The following NSMCE2 variants were observed in gnomAD, a reference collection of about 807,000 sequenced individuals.
NSMCE2 encodes the protein E3 SUMO-protein ligase NSE2.
Under a neutral mutation model 23.8 loss-of-function variants are expected in NSMCE2, and 24 were observed. That is an observed-to-expected ratio of 1.01 (90% CI 0.73 to 1.42). The LOEUF is 1.42. Among genes scored for constraint, NSMCE2 ranks in the 40% most tolerant of loss-of-function variants. NSMCE2 has a pLI of 0.00. For synonymous variants in NSMCE2, 92 were observed against 94.1 expected (o/e 0.98, Z 0.13); for missense variants, 284 against 296.5 (o/e 0.96, Z 0.31).
At chr8:125,363,335 T>C (rs1046072098) in intron 7 of NSMCE2, 16 of 152,092 alleles carry the variant, frequency 1.1e-4, no homozygotes, top group Admixed American at 9.2e-4. Context: ...AAACTCTGTC[T>C]CTACCAAAAA....
rs771186361 is a variant in NSMCE2 at position 125,130,277 on chromosome 8, A to G, written c.158-20894A>G. 1.5e-5 allele frequency: 7 copies of G among 456,094 alleles called. No homozygotes were observed. In the East Asian group the frequency reaches 2.8e-4, roughly 18 times the overall value. The allele number at this position is 456,094 out of a possible 1,614,324, so 28.3% of individuals were successfully genotyped here. ...CATCACGTCATATCAAAGCTAGTGC[A>G]AGTCATCAACATGACCAGTAATGTC... On this transcript the variant is annotated intron_variant, in intron 3 of 7. Coordinates refer to ENST00000287437, the MANE Select transcript of NSMCE2 (RefSeq NM_173685.4).
intron 5 of NSMCE2, among the ~76,000 whole-genome samples, chr8:125,284,880 TC>T (rs1448315788): frequency 2.0e-5 from 3 of 152,226 alleles, no homozygotes; most frequent in African/African-American, 7.2e-5. Context: ...TAGTAGGCAT[TC>T]TTTTTATAGC....
rs549189671 is a variant in NSMCE2 at position 125,303,517 on chromosome 8, T to C, written c.419-53702T>C. 3.3e-5 allele frequency among the ~76,000 whole-genome samples: 5 copies of C among 152,270 alleles called. No homozygotes were observed. In the South Asian group the frequency reaches 1.0e-3, roughly 32 times the overall value. On this transcript the variant is annotated intron_variant, in intron 5 of 7. Transcript: ENST00000287437. ...CCAATAAGTATATAAATTAACTGCT[T>C]ATTTTGTGCGAAGTATAATACTGGG...
At chr8:125,222,662 CTCCAGGTTCA>C (rs1487243247) in intron 5 of NSMCE2, among the ~76,000 whole-genome samples, 1 of 152,130 alleles carries the variant, frequency 6.6e-6, no homozygotes, top group Admixed American at 6.5e-5. Context: ...GCATAGTGCC[CTCCAGGTTCA>C]TCCATGTTGT....
Position 125,151,206 on chromosome 8 carries a change from A to G in NSMCE2, c.193A>G (p.Met65Val), listed in dbSNP as rs777361044. ...TAGTGAATATAGTATGGACAAGGCA[A>G]TGGTTGAATTTGCTACATTGGATCG... ...VSSEYSMDKA[M>V]VEFATLDRQL... The change falls in exon 4 of 8, where the codon ATG becomes GTG. Residue 65 changes from methionine (M) to valine (V), a missense_variant. By Grantham distance (21) the Met-to-Val change is conservative. Around this residue, in one of 2 missense-constraint regions of NSMCE2, gnomAD observed 182 missense variants for 155.5 expected, o/e 1.17. Transcript: ENST00000287437. 15 of 1,608,904 alleles carry G rather than the reference A, an allele frequency of 9.3e-6. No individual in the cohort carries two copies. The highest frequency in any genetic ancestry group is 1.3e-5 in the Non-Finnish European group (15 of 1,175,668).
intron 7 of NSMCE2, among the ~76,000 whole-genome samples, chr8:125,362,857 G>A (rs1371385524): frequency 6.6e-6 from 1 of 152,170 alleles, no homozygotes; most frequent in Non-Finnish European, 1.5e-5. Context: ...CGCCTGCTCT[G>A]CAGCTGAGTG....
chr8:125,175,750 C>T (rs2130783409), intron 4 of NSMCE2, among the ~76,000 whole-genome samples: 1 of 152,302 alleles, frequency 6.6e-6, no homozygotes, highest in East Asian at 1.9e-4. Flanking sequence ...TTTGACTTTG[C>T]CCCGTGGCAA....
chr8:125,353,409 C>T (rs1037575608), intron 5 of NSMCE2, among the ~76,000 whole-genome samples: 6 of 152,144 alleles, frequency 3.9e-5, no homozygotes, highest in African/African-American at 1.4e-4. Context: ...TCCAACTTTC[C>T]CGAGCCATGA....
At chr8:125,098,687 G>C (rs1012978838) in intron 1 of NSMCE2, among the ~76,000 whole-genome samples, 3 of 152,062 alleles carry the variant, frequency 2.0e-5, no homozygotes, top group South Asian at 2.1e-4. Flanking sequence ...AGGATATGAG[G>C]GGAGGAGGAG....
chr8:125,290,673 G>A (rs1828073290), intron 5 of NSMCE2, among the ~76,000 whole-genome samples: 1 of 152,178 alleles, frequency 6.6e-6, no homozygotes, highest in South Asian at 2.1e-4. Context: ...GTGTGGTCCA[G>A]GCAACTGTGA....
At chr8:125,148,417 A>G (rs769180611) in intron 3 of NSMCE2, among the ~76,000 whole-genome samples, 20 of 152,190 alleles carry the variant, frequency 1.3e-4, no homozygotes, top group Non-Finnish European at 2.5e-4. Context: ...CATTTTGAAT[A>G]TCTTAGGCAC....
At chr8:125,147,031 G>A (rs554488123) in intron 3 of NSMCE2, among the ~76,000 whole-genome samples, 63 of 152,100 alleles carry the variant, frequency 4.1e-4, no homozygotes, top group African/African-American at 1.4e-3. Flanking sequence ...TATAATCATT[G>A]TCATTACTTT....
intron 5 of NSMCE2, among the ~76,000 whole-genome samples, chr8:125,257,798 T>A (rs993379793): frequency 2.0e-5 from 3 of 152,030 alleles, no homozygotes; most frequent in East Asian, 3.9e-4. Flanking sequence ...CCTCCCAAAG[T>A]CCTGGGATTA....
chr8:125,330,316 C>A (rs1333377818), intron 5 of NSMCE2, among the ~76,000 whole-genome samples: 4 of 151,642 alleles, frequency 2.6e-5, no homozygotes, highest in African/African-American at 9.7e-5. Flanking sequence ...GCTGGAATTA[C>A]AAGCGTGTGC....
intron 3 of NSMCE2, among the ~76,000 whole-genome samples, chr8:125,128,257 A>C (rs764216078): frequency 6.6e-6 from 1 of 152,160 alleles, no homozygotes; most frequent in Non-Finnish European, 1.5e-5. Flanking sequence ...AATGTGGGAA[A>C]TGGCTTCCTA....
intron 5 of NSMCE2, among the ~76,000 whole-genome samples, chr8:125,186,531 G>T (rs146053168): frequency 1.3e-3 from 194 of 152,282 alleles, no homozygotes; most frequent in African/African-American, 4.5e-3. Context: ...GCAGGAATCT[G>T]TACATGCAGA....
At chr8:125,261,234 T>C (rs1826678176) in intron 5 of NSMCE2, among the ~76,000 whole-genome samples, 1 of 152,188 alleles carries the variant, frequency 6.6e-6, no homozygotes, top group South Asian at 2.1e-4. Flanking sequence ...GGGAGCAAGT[T>C]TATGCAAGCT....
intron 5 of NSMCE2, among the ~76,000 whole-genome samples, chr8:125,240,524 T>C (rs895205312): frequency 1.3e-5 from 2 of 152,256 alleles, no homozygotes; most frequent in African/African-American, 4.8e-5. Flanking sequence ...TATAAATGGC[T>C]GAGTAAACAG....
intron 5 of NSMCE2, among the ~76,000 whole-genome samples, chr8:125,340,133 G>A (rs933206304): frequency 2.0e-5 from 3 of 147,338 alleles, no homozygotes; most frequent in African/African-American, 7.5e-5. Context: ...TCCTGCCTCA[G>A]CCTCCCGAGT....
Sources: allele counts gnomAD v4.1 joint callset (sites outside exome capture counted in the v4.1 genomes callset), GRCh38; gene constraint gnomAD v4.1.1; regional missense constraint gnomAD v4.1.1; transcripts MANE v1.5; gene names NCBI Gene and HGNC (gene_info 2026-07-23, HGNC 2026-07-21).